The following ARHGEF40 variants were observed in gnomAD, a reference collection of about 807,000 sequenced individuals.
ARHGEF40 encodes the protein Rho guanine nucleotide exchange factor 40.
In ARHGEF40, 98 loss-of-function variants were observed where a neutral mutation model predicts 165.9. The observed-to-expected ratio is 0.59, with a 90% CI of 0.50 to 0.70. ARHGEF40 has a LOEUF of 0.70. Among genes scored for constraint, ARHGEF40 ranks in the 30% least tolerant of loss-of-function variants. The pLI, the probability that ARHGEF40 is intolerant of heterozygous loss-of-function variation, is 0.00. For missense variants in ARHGEF40, 1,815 were observed against 1,968.0 expected (o/e 0.92, Z 1.47); for synonymous variants, 792 against 814.3 (o/e 0.97, Z 0.47).
At chr14:21,081,287 T>C in intron 13 of ARHGEF40, 1 of 774,548 alleles carries the variant, frequency 1.3e-6, no homozygotes, top group African/African-American at 1.8e-5. Flanking sequence ...CACTCATAAA[T>C]GTCGTATGAG....
chr14:21,080,680 C>A lies in ARHGEF40; in HGVS notation c.2394C>A (p.Gly798=). 6.2e-7 allele frequency: 1 copy of A among 1,611,096 alleles called. No homozygotes were observed. Among genetic ancestry groups the A allele is most frequent in the Non-Finnish European group, 8.5e-7 (1 of 1,179,172 alleles). ...CTCAGGTGTTGCAGTGGCTCTCGGG[C>A]CCAGGGGAGGAGCAGCTGGCAAGCT... The part of the protein sequence containing the change: ...RLQQVLQWLS[G]PGEEQLASFA... The change falls in exon 12 of 24, where the codon GGC becomes GGA. Residue 798 remains glycine, a synonymous_variant. Coordinates refer to ENST00000298694, the MANE Select transcript of ARHGEF40 (RefSeq NM_018071.5).
chr14:21,075,586 A>G lies in ARHGEF40; in HGVS notation c.1619-59A>G, dbSNP rs1307881134. 2 of 1,613,656 alleles carry G rather than the reference A, an allele frequency of 1.2e-6. No homozygotes were observed. Among genetic ancestry groups the G allele is most frequent in the African/African-American group, 1.3e-5 (1 of 74,872 alleles). ...TTGGGGACTGGGGGAGGCAGGGTGG[A>G]AAGGAGGTAGGCATGGACTGCTCCC... On this transcript the variant is annotated intron_variant, in intron 4 of 23. Coordinates refer to ENST00000298694, the MANE Select transcript of ARHGEF40 (RefSeq NM_018071.5). This position sits in a 1 kb window ranked among gnomAD's most constrained non-coding sequence, Gnocchi z 4.5.
In ARHGEF40 at chr14:21,082,266, G is replaced by A; in HGVS notation, c.3274G>A (p.Glu1092Lys). ...CAGTGCCCAGCAGCGGCTGGTGTCT[G>A]AGCTGATTGCCTGTGAACAAGATTA... ...SISAQQRLVS[E>K]LIACEQDYVA... The change falls in exon 15 of 24, where the codon GAG (glutamate) becomes AAG (lysine). Residue 1092 changes from glutamate to lysine, a missense_variant. Physicochemically the swap from Glu to Lys is moderately conservative, Grantham distance 56. Coordinates refer to ENST00000298694, the MANE Select transcript of ARHGEF40 (RefSeq NM_018071.5). 1 of 1,611,510 alleles carries A rather than the reference G, an allele frequency of 6.2e-7. No individual in the cohort carries two copies. The highest frequency in any genetic ancestry group is 8.5e-7 in the Non-Finnish European group (1 of 1,178,282).
chr14:21,078,999 C>A lies in ARHGEF40; in HGVS notation c.2362C>A (p.Arg788=), dbSNP rs552235237. The change falls in exon 11 of 24, where the codon CGA becomes AGA. Residue 788 remains arginine (R), a synonymous_variant. Coordinates refer to ENST00000298694, the MANE Select transcript of ARHGEF40 (RefSeq NM_018071.5). ...QQQEQRQCLR[R]LQQVLQWLSG... is the part of the protein sequence containing the mutation. ...GCAAGAGCAGCGGCAGTGCCTGCGG[C>A]GACTCCAGCAGGTGAGCCAGGATCC... 6.2e-7 allele frequency: 1 copy of A among 1,613,032 alleles called. No individual in the cohort carries two copies. The highest frequency in any genetic ancestry group is 1.1e-5 in the South Asian group (1 of 91,040).
chr14:21,079,085 T>C (rs1443212441), intron 11 of ARHGEF40, 75 bp downstream of exon 11: 7 of 1,528,988 alleles, frequency 4.6e-6, no homozygotes, highest in Middle Eastern at 4.4e-4. Flanking sequence ...TTGGTACTTA[T>C]AGTTGATGGT....
upstream of ARHGEF40, among the ~76,000 whole-genome samples, chr14:21,068,017 T>G (rs1280296830): frequency 2.8e-4 from 8 of 28,138 alleles, 2 homozygotes; most frequent in African/African-American, 7.5e-4. Flanking sequence ...TTTTTTTTTT[T>G]GAGACGGAGT....
the ARHGEF40 span, among the ~76,000 whole-genome samples, chr14:21,061,365 T>C: frequency 1.3e-5 from 2 of 152,018 alleles, no homozygotes; most frequent in Admixed American, 6.6e-5. Context: ...TCCAAACAAG[T>C]GGGGGTAGCA....
At chr14:21,087,230 G>A (rs1431555284) in intron 20 of ARHGEF40, 90 bp from the exon 21 acceptor site, 1 of 1,576,382 alleles carries the variant, frequency 6.3e-7, no homozygotes, top group African/African-American at 1.3e-5. Context: ...GACTGGCTGG[G>A]AGGCCCTCTG....
Position 21,084,900 on chromosome 14 carries a change from T to C in ARHGEF40, c.3937T>C (p.Phe1313Leu), listed in dbSNP as rs1479397451. ...LKGPEGGSEMFVYKQAFKTAD... is the reference protein window; with the variant it reads ...LKGPEGGSEMLVYKQAFKTAD... Reference sequence around the variant, plus strand: ...GGGCCCTGAAGGGGGGTCAGAGATGTTTGTTTACAAGCAGGCCTTTAAGGT... The same window carrying C: ...GGGCCCTGAAGGGGGGTCAGAGATGCTTGTTTACAAGCAGGCCTTTAAGGT... Residue 1313 changes from phenylalanine to leucine, a missense_variant, in exon 18 of 24, where the codon TTT becomes CTT. By Grantham distance (22) the Phe-to-Leu change is conservative (BLOSUM62 0). Transcript: ENST00000298694. 1 of 1,614,016 alleles carries C rather than the reference T, an allele frequency of 6.2e-7. No individual in the cohort carries two copies. Among genetic ancestry groups the C allele is most frequent in the Admixed American group, 1.7e-5 (1 of 60,004 alleles).
chr14:21,065,173 A>G, the ARHGEF40 span, among the ~76,000 whole-genome samples: 49,529 of 151,220 alleles, frequency 0.33, 10,058 homozygotes, highest in East Asian at 0.48. Context: ...CCATCTCAAA[A>G]AAAAAAAAAC....
At chr14:21,087,778 C>T in intron 21 of ARHGEF40, 190 bp from the exon 22 acceptor site, 1 of 788,838 alleles carries the variant, frequency 1.3e-6, no homozygotes, top group Non-Finnish European at 2.1e-6. Flanking sequence ...CGCTTCTTCC[C>T]TGGTTGCTCT....
At position 21,078,916 on chromosome 14, in the gene ARHGEF40, A is replaced by G; in HGVS notation, c.2279A>G (p.Gln760Arg). ...LEGQGPATLYQEVDEAIHQLV... is the reference protein window; with the variant it reads ...LEGQGPATLYREVDEAIHQLV... The stretch of plus-strand genomic sequence containing the variant: ...GGCCAAGGCCCAGCTACACTGTATC[A>G]GGAAGTGGACGAGGCCATTCACCAG... The change falls in exon 11 of 24, where the codon CAG becomes CGG. Residue 760 changes from glutamine to arginine, a missense_variant. Coordinates refer to ENST00000298694, the MANE Select transcript of ARHGEF40 (RefSeq NM_018071.5). The G allele has an allele frequency of 6.2e-7, 1 of 1,614,052 alleles. No individual in the cohort carries two copies. Among genetic ancestry groups the G allele is most frequent in the East Asian group, 2.2e-5 (1 of 44,898 alleles).
At chr14:21,064,698 A>C in the ARHGEF40 span, among the ~76,000 whole-genome samples, 1 of 152,150 alleles carries the variant, frequency 6.6e-6, no homozygotes, top group Non-Finnish European at 1.5e-5. Flanking sequence ...AGAACACAAA[A>C]CTGTTATTTT....
At chr14:21,087,495 A>G (rs909486891) in intron 21 of ARHGEF40, 32 bp downstream of exon 21, 1 of 1,596,846 alleles carries the variant, frequency 6.3e-7, no homozygotes, top group Admixed American at 1.7e-5. Flanking sequence ...GGCTCCCAAC[A>G]GCTCGGTCAT....
rs758986145 is a variant in ARHGEF40, at chr14:21,074,405, G to C, written c.675G>C (p.Arg225=). 6 of 1,611,954 alleles carry C rather than the reference G, an allele frequency of 3.7e-6. No homozygotes were observed. The Admixed American group carries it at 5.0e-5, about 13-fold the overall frequency. ...TTCCTGAGGAGGCGCTGGGTACCCGGAGTCCTGGGGATGGGCACAATGCCC... is the reference window on the plus strand; with the variant it reads ...TTCCTGAGGAGGCGCTGGGTACCCGCAGTCCTGGGGATGGGCACAATGCCC... ...PPLPEEALGT[R]SPGDGHNAPV... is the part of the protein sequence containing the mutation. The change falls in exon 3 of 24, where the codon CGG becomes CGC. Residue 225 remains arginine, a synonymous_variant. Coordinates refer to ENST00000298694, the MANE Select transcript of ARHGEF40 (RefSeq NM_018071.5). The surrounding 1 kb of genome is among the most constrained non-coding windows in gnomAD (Gnocchi z 4.8).
chr14:21,080,538 G>C, intron 11 of ARHGEF40, 122 bp from the exon 12 acceptor site: 1 of 1,104,126 alleles, frequency 9.1e-7, no homozygotes, highest in Non-Finnish European at 1.3e-6. Flanking sequence ...CCACATTGCA[G>C]ATGAGATGCA....
chr14:21,074,218 G>C lies in ARHGEF40; in HGVS notation c.488G>C (p.Ser163Thr). 6.2e-7 allele frequency: 1 copy of C among 1,614,158 alleles called. No homozygotes were observed. Among genetic ancestry groups the C allele is most frequent in the South Asian group, 1.1e-5 (1 of 91,086 alleles). Residue 163 changes from serine to threonine, a missense_variant, in exon 3 of 24, where the codon AGT becomes ACT. Ser to Thr is a moderately conservative substitution (Grantham distance 58). Coordinates refer to ENST00000298694, the MANE Select transcript of ARHGEF40 (RefSeq NM_018071.5). This position sits in a 1 kb window ranked among gnomAD's most constrained non-coding sequence, Gnocchi z 4.8. ...AAGGACCGGCCAACAGGTCGCCTCA[G>C]TACCTGCCTACTGTCTGCGCCCTCT... ...INKDRPTGRLSTCLLSAPSGI... is the reference protein window; with the variant it reads ...INKDRPTGRLTTCLLSAPSGI...
In ARHGEF40 at chr14:21,082,094, C is replaced by G. The variant is rs766504441; in HGVS notation, c.3226C>G (p.Arg1076Gly). 13 of 1,561,506 alleles carry G rather than the reference C, an allele frequency of 8.3e-6. No individual in the cohort carries two copies. The South Asian group carries it at 1.3e-4, about 16-fold the overall frequency. Reference protein sequence around the residue: ...PDGPWGVGTPRMERKRSISAQ... With the variant: ...PDGPWGVGTPGMERKRSISAQ... Reference sequence around the variant, plus strand: ...CGGACCCTGGGGAGTAGGCACCCCCCGGATGGAGCGCAAGCGAAGCATCAG... The same window carrying G: ...CGGACCCTGGGGAGTAGGCACCCCCGGGATGGAGCGCAAGCGAAGCATCAG... The change falls in exon 14 of 24, where the codon CGG becomes GGG. Residue 1076 changes from arginine (R) to glycine (G), a missense_variant. Arg to Gly is a moderately radical substitution (Grantham distance 125). Coordinates refer to ENST00000298694, the MANE Select transcript of ARHGEF40 (RefSeq NM_018071.5).
In ARHGEF40 at chr14:21,082,003, T is replaced by C. The variant is rs936993336; in HGVS notation, c.3135T>C (p.Thr1045=). The C allele has an allele frequency of 6.3e-7, 1 of 1,579,448 alleles. No individual in the cohort carries two copies. The highest frequency in any genetic ancestry group is 1.2e-5 in the South Asian group (1 of 86,916). ...TCCGAGGCCTGGAGGTCACCAGCAC[T>C]GAGGTGGTAGACAGGACGTGCTCAC... ...VLIRGLEVTS[T]EVVDRTCSPR... The change falls in exon 14 of 24, where the codon ACT becomes ACC. Residue 1045 remains threonine, a synonymous_variant. Transcript: ENST00000298694.
Sources: allele counts gnomAD v4.1 joint callset (sites outside exome capture counted in the v4.1 genomes callset), GRCh38; gene constraint gnomAD v4.1.1; non-coding constraint Gnocchi (gnomAD v3.1); transcripts MANE v1.5; gene names NCBI Gene and HGNC (gene_info 2026-07-23, HGNC 2026-07-21).